Variants in MALRD1 observed in about 807,000 individuals in gnomAD.
The protein encoded by MALRD1 is MAM and LDL receptor class A domain containing 1, also known as MAM and LDL-receptor class A domain-containing protein 1.
Under a neutral mutation model 242.1 loss-of-function variants are expected in MALRD1, and 247 were observed. That is an observed-to-expected ratio of 1.02 (90% CI 0.92 to 1.13). The LOEUF is 1.13. Ranked by LOEUF, MALRD1 falls within the 50% of genes most tolerant of loss-of-function variation. The pLI is 0.00. For synonymous variants in MALRD1, 995 were observed against 866.6 expected, an observed-to-expected ratio of 1.15 and a Z score of -2.60; for missense variants, 2,989 against 2,533.1, an observed-to-expected ratio of 1.18 and a Z score of -3.86.
chr10:19,674,749 T>G (rs1169676953), intron 36 of MALRD1, among the ~76,000 whole-genome samples: 1 of 152,036 alleles, frequency 6.6e-6, no homozygotes, highest in African/African-American at 2.4e-5. Flanking sequence ...CAGCAAAAAT[T>G]TAATGCCTTC....
intron 32 of MALRD1, among the ~76,000 whole-genome samples, chr10:19,560,062 T>C (rs2131434758): frequency 6.6e-6 from 1 of 152,344 alleles, no homozygotes; most frequent in Admixed American, 6.5e-5. Context: ...AGTTCAACCA[T>C]TGTGGAAGAC....
intron 18 of MALRD1, among the ~76,000 whole-genome samples, chr10:19,235,477 TC>T (rs1838269796): frequency 1.4e-5 from 2 of 147,504 alleles, no homozygotes; most frequent in Non-Finnish European, 3.0e-5. Context: ...ATTTTTTTTT[TC>T]TAATTGATTT....
chr10:19,472,614 C>T (rs1021040128), intron 29 of MALRD1, among the ~76,000 whole-genome samples: 2 of 151,874 alleles, frequency 1.3e-5, no homozygotes, highest in Admixed American at 1.3e-4. Flanking sequence ...TCTCTTTCTT[C>T]ATGATTCAGT....
At chr10:19,460,173 A>G (rs1424833779) in intron 29 of MALRD1, among the ~76,000 whole-genome samples, 1 of 152,150 alleles carries the variant, frequency 6.6e-6, no homozygotes, top group African/African-American at 2.4e-5. Flanking sequence ...ATACTCATAT[A>G]TAATTTTTCC....
At chr10:19,323,045 A>T (rs370076481) in intron 21 of MALRD1, among the ~76,000 whole-genome samples, 59 of 152,278 alleles carry the variant, frequency 3.9e-4, no homozygotes, top group African/African-American at 1.2e-3. Context: ...GGCAAAAAAA[A>T]ATCGTATTTA....
chr10:19,414,058 A>AT (rs1312775935), intron 28 of MALRD1, among the ~76,000 whole-genome samples: 1 of 151,990 alleles, frequency 6.6e-6, no homozygotes, highest in Non-Finnish European at 1.5e-5. Flanking sequence ...AAAAAAAAAA[A>AT]GTTCAATTTC....
intron 20 of MALRD1, among the ~76,000 whole-genome samples, chr10:19,281,109 T>G (rs1436416818): frequency 6.6e-6 from 1 of 152,188 alleles, no homozygotes; most frequent in South Asian, 2.1e-4. Context: ...TGTTTTTTAA[T>G]GTACAAATAC....
intron 32 of MALRD1, among the ~76,000 whole-genome samples, chr10:19,566,449 G>C (rs1836262310): frequency 6.6e-6 from 1 of 151,474 alleles, no homozygotes; most frequent in African/African-American, 2.4e-5. Context: ...ATATTTTATA[G>C]GATAAGTTAA....
At chr10:19,446,149 G>A (rs1043180258) in intron 28 of MALRD1, among the ~76,000 whole-genome samples, 1 of 152,124 alleles carries the variant, frequency 6.6e-6, no homozygotes, top group East Asian at 1.9e-4. Flanking sequence ...TGCAGTATTA[G>A]CATGGGAGTG....
chr10:19,283,164 A>C lies in MALRD1; in HGVS notation c.3402A>C (p.Pro1134=). 1.9e-6 allele frequency: 3 copies of C among 1,547,490 alleles called. No homozygotes were observed. Among genetic ancestry groups the C allele is most frequent in the South Asian group, 1.2e-5 (1 of 83,726 alleles). The change falls in exon 21 of 40, where the codon CCA becomes CCC. Residue 1134 remains proline (P), a synonymous_variant. Coordinates refer to ENST00000454679, the MANE Select transcript of MALRD1 (RefSeq NM_001142308.3). ...SIHHGEENHR[P]SVDHTQNTTD... ...ATCATGGGGAAGAAAACCACAGGCC[A>C]TCAGTGGATCATACACAGTAAGTGA...
intron 26 of MALRD1, among the ~76,000 whole-genome samples, chr10:19,376,569 T>C (rs1340197428): frequency 7.7e-6 from 1 of 130,300 alleles, no homozygotes; most frequent in Non-Finnish European, 1.7e-5. Flanking sequence ...TTTTTTTTTT[T>C]TGTAAGAGGG....
At chr10:19,463,081 G>A (rs1836025692) in intron 29 of MALRD1, among the ~76,000 whole-genome samples, 1 of 152,108 alleles carries the variant, frequency 6.6e-6, no homozygotes, top group Non-Finnish European at 1.5e-5. Context: ...CTAGGAAAGA[G>A]GAAGGGAATA....
intron 8 of MALRD1, among the ~76,000 whole-genome samples, chr10:19,130,742 T>C (rs1833068079): frequency 1.3e-5 from 2 of 152,166 alleles, no homozygotes; most frequent in South Asian, 4.1e-4. Flanking sequence ...AGTATGTATG[T>C]AATTATGAAT....
rs554932770 is a variant in MALRD1 at position 19,374,976 on chromosome 10, G to A, written c.4442-12552G>A. Among the ~76,000 whole-genome samples the A allele has an allele frequency of 3.3e-5, 5 of 152,230 alleles. No homozygotes were observed. The East Asian group carries it at 9.6e-4, about 29-fold the overall frequency. ...GGGGGCAAACATTAGTCCCTACCACGTGCAATGATAATACATTGTGAAAGA... is the reference window on the plus strand; with the variant it reads ...GGGGGCAAACATTAGTCCCTACCACATGCAATGATAATACATTGTGAAAGA... On this transcript the variant is annotated intron_variant, in intron 26 of 39. Coordinates refer to ENST00000454679, the MANE Select transcript of MALRD1 (RefSeq NM_001142308.3).
At chr10:19,699,177 C>A (rs1274716567) in intron 38 of MALRD1, among the ~76,000 whole-genome samples, 1 of 151,228 alleles carries the variant, frequency 6.6e-6, no homozygotes, top group African/African-American at 2.5e-5. Context: ...CCTGCACGTT[C>A]TGCAGATGTA....
chr10:19,599,350 C>T lies in MALRD1; in HGVS notation c.5944+3893C>T, dbSNP rs1347475938. Among the ~76,000 whole-genome samples, 4 of 151,988 alleles carry T rather than the reference C, an allele frequency of 2.6e-5. No individual in the cohort carries two copies. The East Asian group carries it at 5.8e-4, about 22-fold the overall frequency. ...GTGAGTTCAACGTTTAAGAACACTT[C>T]GTATTGAATATTGTCTTTCCACTGG... On this transcript the variant is annotated intron_variant, in intron 34 of 39. Coordinates refer to ENST00000454679, the MANE Select transcript of MALRD1 (RefSeq NM_001142308.3).
intron 30 of MALRD1, among the ~76,000 whole-genome samples, chr10:19,496,402 A>T (rs1438303518): frequency 6.6e-6 from 1 of 152,196 alleles, no homozygotes; most frequent in Non-Finnish European, 1.5e-5. Flanking sequence ...TACCAAGAAG[A>T]TCTCTCAAAA....
At chr10:19,107,154 A>T (rs569946472) in intron 5 of MALRD1, among the ~76,000 whole-genome samples, 2 of 152,032 alleles carry the variant, frequency 1.3e-5, no homozygotes, top group South Asian at 4.1e-4. Context: ...TTTGATCTAG[A>T]GTTCGGTTTA....
intron 31 of MALRD1, among the ~76,000 whole-genome samples, chr10:19,508,172 T>C (rs185048213): frequency 6.6e-6 from 1 of 152,290 alleles, no homozygotes; most frequent in Admixed American, 6.5e-5. Flanking sequence ...GCAATAAAGA[T>C]GCTTTCATTA....
Sources: gnomAD v4.1 joint callset for allele counts (sites outside exome capture counted in the v4.1 genomes callset) on GRCh38, gnomAD v4.1.1 for gene constraint, MANE v1.5 for transcripts, NCBI Gene and HGNC (gene_info 2026-07-23, HGNC 2026-07-21) for gene names.